SYNRG: variants seen among roughly 807,000 people sequenced by gnomAD.
SYNRG encodes AP1 gamma subunit binding protein 1.
Under a neutral mutation model 130.9 loss-of-function variants are expected in SYNRG, and 37 were observed. That is an observed-to-expected ratio of 0.28 (90% confidence interval 0.22 to 0.37). The LOEUF (loss-of-function observed/expected upper bound fraction) is 0.37. SYNRG is among the 10% of genes least tolerant of loss of function. The pLI is 1.00. For missense variants in SYNRG, 1,338 were observed against 1,588.9 expected (o/e 0.84, Z 2.68); for synonymous variants, 539 against 568.1 (o/e 0.95, Z 0.73).
chr17:37,547,712 C>T (rs1261349472), intron 14 of SYNRG, among the ~76,000 whole-genome samples: 2 of 152,208 alleles, frequency 1.3e-5, no homozygotes, highest in African/African-American at 2.4e-5. Flanking sequence ...ATCCGCCTGC[C>T]TTCGCCTCCC....
intron 13 of SYNRG, among the ~76,000 whole-genome samples, chr17:37,560,287 G>A (rs887439916): frequency 6.6e-6 from 1 of 151,312 alleles, no homozygotes; most frequent in African/African-American, 2.4e-5. Context: ...AGAACCATAA[G>A]AAGTAATCTT....
chr17:37,560,815 C>T (rs2059470928), intron 13 of SYNRG, among the ~76,000 whole-genome samples: 1 of 151,468 alleles, frequency 6.6e-6, no homozygotes, highest in Non-Finnish European at 1.5e-5. Context: ...CAGGTGCGCA[C>T]CATCACACCC....
intron 6 of SYNRG, 85 bp from the exon 7 acceptor site, chr17:37,577,698 T>A: frequency 7.0e-6 from 4 of 575,238 alleles, no homozygotes; most frequent in African/African-American, 4.2e-5. Flanking sequence ...CCATATTCTT[T>A]TTTTTTTTTT....
chr17:37,542,456 T>C lies in SYNRG; in HGVS notation c.2718A>G (p.Arg906=), dbSNP rs1235527055. 6.2e-7 allele frequency: 1 copy of C among 1,614,166 alleles called. No homozygotes were observed. The highest frequency in any genetic ancestry group is 8.5e-7 in the Non-Finnish European group (1 of 1,180,032). ...WSDRDDATQG[R]KLSPFVLSAG... ...CTGAGAGGACAAATGGAGAGAGTTT[T>C]CTGCCCTGAGTTGCATCATCCCTGT... The change falls in exon 15 of 22, where the codon AGA becomes AGG. Residue 906 remains arginine (R), a synonymous_variant. Transcript: ENST00000612223.
At chr17:37,587,774 C>T (rs1017599526) in intron 3 of SYNRG, among the ~76,000 whole-genome samples, 6 of 152,184 alleles carry the variant, frequency 3.9e-5, no homozygotes, top group Non-Finnish European at 1.5e-5. Flanking sequence ...GCCTCCTCAT[C>T]ACAATCATGC....
chr17:37,565,962 G>C (rs1238930580), intron 11 of SYNRG, among the ~76,000 whole-genome samples: 2 of 150,210 alleles, frequency 1.3e-5, no homozygotes, highest in South Asian at 2.1e-4. Flanking sequence ...GGAGGGAGGT[G>C]GGGGGGTCAG....
At chr17:37,562,872 C>A (rs1484721512) in intron 11 of SYNRG, among the ~76,000 whole-genome samples, 2 of 152,046 alleles carry the variant, frequency 1.3e-5, no homozygotes, top group East Asian at 3.9e-4. Context: ...TGAATGATTT[C>A]TTTATTTTTC....
intron 7 of SYNRG, 21 bp from the exon 8 acceptor site, chr17:37,576,439 A>T (rs755152506): frequency 6.2e-7 from 1 of 1,609,814 alleles, no homozygotes; most frequent in Non-Finnish European, 8.5e-7. Flanking sequence ...AGAAACATTA[A>T]TGTATATAGT....
At chr17:37,548,930 T>A (rs1297934376) in intron 14 of SYNRG, among the ~76,000 whole-genome samples, 4 of 149,704 alleles carry the variant, frequency 2.7e-5, no homozygotes. Flanking sequence ...AGGTCAGGAG[T>A]TCGAGACCAG....
intron 20 of SYNRG, 89 bp downstream of exon 20, chr17:37,520,449 A>G: frequency 1.5e-6 from 2 of 1,319,716 alleles, no homozygotes; most frequent in Non-Finnish European, 2.2e-6. Flanking sequence ...CTCTGGTCAC[A>G]AACTCTGCAG....
chr17:37,568,583 T>C (rs759413802), intron 11 of SYNRG: 4 of 488,068 alleles, frequency 8.2e-6, no homozygotes, highest in African/African-American at 3.9e-5. Context: ...AGGTGTGTAC[T>C]TACAGGAAAC....
intron 21 of SYNRG, among the ~76,000 whole-genome samples, chr17:37,519,513 G>C (rs965439197): frequency 1.3e-5 from 2 of 151,934 alleles, no homozygotes; most frequent in Non-Finnish European, 2.9e-5. Flanking sequence ...AATTACAAGA[G>C]AGTTAGAGAA....
At chr17:37,586,664 T>A in intron 3 of SYNRG, 115 bp from the exon 4 acceptor site, 1 of 1,195,278 alleles carries the variant, frequency 8.4e-7, no homozygotes, top group Non-Finnish European at 1.2e-6. Context: ...AAAATAGAAA[T>A]ATATTGGATT....
chr17:37,553,980 T>G lies in SYNRG; in HGVS notation c.1743A>C (p.Pro581=). 1 of 1,611,906 alleles carries G rather than the reference T, an allele frequency of 6.2e-7. No homozygotes were observed. Among genetic ancestry groups the G allele is most frequent in the Non-Finnish European group, 8.5e-7 (1 of 1,179,602 alleles). ...TDFKTADSVS[P]LEPPTKDKTF... is the part of the protein sequence containing the mutation. The stretch of plus-strand genomic sequence containing the variant: ...TTTTGTCTTTTGTTGGTGGCTCTAG[T>G]GGTGATACACTATCGGCTGTTTTAA... The change falls in exon 14 of 22, where the codon CCA becomes CCC. Residue 581 remains proline (P), a synonymous_variant. Coordinates refer to ENST00000612223, the MANE Select transcript of SYNRG (RefSeq NM_007247.6).
Position 37,600,584 on chromosome 17 carries a change from C to T in SYNRG, c.78-181G>A, listed in dbSNP as rs551820845. 1.7e-4 allele frequency: 126 copies of T among 720,522 alleles called. 1 individual carries two copies. In the South Asian group the frequency reaches 1.9e-3, roughly 11 times the overall value. 44.6% of individuals were successfully genotyped at this position (720,522 alleles called of 1,614,324 possible). On this transcript the variant is annotated intron_variant, in intron 1 of 21. Transcript: ENST00000612223. ...CCATAGGATGCATGTCAGCATGCTA[C>T]TGCAGACGGAAACTTGTTGAAACAA...
intron 1 of SYNRG, 137 bp downstream of exon 1, chr17:37,609,142 C>T (rs2064149423): frequency 9.5e-7 from 1 of 1,051,474 alleles, no homozygotes; most frequent in East Asian, 3.3e-5. Context: ...CGGCCTGGGT[C>T]CCTGGGGGAT....
At position 37,540,457 on chromosome 17, in the gene SYNRG, G is replaced by C; in HGVS notation, c.3289C>G (p.Arg1097Gly). 6.2e-7 allele frequency: 1 copy of C among 1,613,862 alleles called. No homozygotes were observed. The highest frequency in any genetic ancestry group is 8.5e-7 in the Non-Finnish European group (1 of 1,179,956). ...GGCTTCTCATTCAGAGTATTGGAAC[G>C]GTCTCTGAAAGGCTGCTCCAAAGCT... Reference protein sequence around the residue: ...SPALEQPFRDRSNTLNEKPAL... With the variant: ...SPALEQPFRDGSNTLNEKPAL... Residue 1097 changes from arginine to glycine, a missense_variant, in exon 16 of 22, where the codon CGT becomes GGT. By Grantham distance (125) the Arg-to-Gly change is moderately radical (BLOSUM62 -2). This residue lies in a region of SYNRG where 1,146 missense variants were observed against 1,342.3 expected (regional missense o/e 0.85). Transcript: ENST00000612223.
chr17:37,539,165 G>A, intron 17 of SYNRG, 27 bp downstream of exon 17: 1 of 1,613,354 alleles, frequency 6.2e-7, no homozygotes, highest in East Asian at 2.2e-5. Flanking sequence ...ACTCACATAT[G>A]TGTGAACGCG....
chr17:37,575,448 A>C (rs1245653022), intron 8 of SYNRG, among the ~76,000 whole-genome samples: 2 of 132,958 alleles, frequency 1.5e-5, no homozygotes, highest in African/African-American at 2.6e-5. Flanking sequence ...TAGCCACAAA[A>C]ATTAAAAATA....
Sources: gnomAD v4.1 joint callset for allele counts (sites outside exome capture counted in the v4.1 genomes callset) on GRCh38, gnomAD v4.1.1 for gene constraint, gnomAD v4.1.1 regional missense constraint, MANE v1.5 for transcripts, NCBI Gene and HGNC (gene_info 2026-07-23, HGNC 2026-07-21) for gene names.